ZNF136: variants seen among roughly 807,000 people sequenced by gnomAD.
ZNF136 encodes zinc finger protein 136, also known as zinc finger protein 136 (clone pHZ-20).
A neutral mutation model predicts 11.4 loss-of-function variants in ZNF136; 8 were observed. The observed-to-expected ratio is 0.70, with a 90% CI of 0.41 to 1.27. ZNF136 has a LOEUF of 1.27. ZNF136 is among the 50% of genes most tolerant of loss of function. The probability of loss-of-function intolerance (pLI) is 0.01; values close to 1 mark genes in which losing one functional copy is unlikely to be tolerated. For missense variants in ZNF136, 590 were observed against 656.5 expected (o/e 0.90, Z 1.11); for synonymous variants, 190 against 207.1 (o/e 0.92, Z 0.71).
chr19:12,181,030 C>T (rs545741872), intron 1 of ZNF136, among the ~76,000 whole-genome samples: 5 of 152,322 alleles, frequency 3.3e-5, no homozygotes, highest in Admixed American at 2.6e-4. Context: ...CCTGTCTGCC[C>T]CCAACCTCAC....
intron 1 of ZNF136, among the ~76,000 whole-genome samples, chr19:12,170,891 A>G (rs1185978233): frequency 6.0e-5 from 9 of 151,060 alleles, no homozygotes; most frequent in Non-Finnish European, 1.2e-4. Context: ...TCTGGAGTGC[A>G]ATGGCAAAAT....
intron 1 of ZNF136, among the ~76,000 whole-genome samples, chr19:12,181,657 C>T (rs912117119): frequency 6.6e-6 from 1 of 151,186 alleles, no homozygotes; most frequent in East Asian, 1.9e-4. Context: ...TGGGGGGGGA[C>T]AGAGCCTCAC....
At chr19:12,166,423 T>C (rs921674867) in intron 1 of ZNF136, among the ~76,000 whole-genome samples, 4 of 152,086 alleles carry the variant, frequency 2.6e-5, no homozygotes, top group African/African-American at 9.7e-5. Context: ...GAGAACCAAC[T>C]CTCCTATTAT....
chr19:12,167,927 C>T (rs1303553298), intron 1 of ZNF136, among the ~76,000 whole-genome samples: 1 of 152,074 alleles, frequency 6.6e-6, no homozygotes, highest in African/African-American at 2.4e-5. Context: ...GCCTTGTTAA[C>T]CACTCAGTTC....
intron 2 of ZNF136, 30 bp downstream of exon 2, chr19:12,185,941 A>G (rs1304643587): frequency 6.2e-7 from 1 of 1,610,628 alleles, no homozygotes; most frequent in Non-Finnish European, 8.5e-7. Flanking sequence ...ATCACTTAGC[A>G]ATTAAAGAAG....
chr19:12,168,285 G>A (rs982151521), intron 1 of ZNF136, among the ~76,000 whole-genome samples: 13 of 151,610 alleles, frequency 8.6e-5, no homozygotes, highest in African/African-American at 2.4e-4. Context: ...TATTAGCCAG[G>A]CTGGTCTCCA....
At chr19:12,165,319 C>T (rs993041262) in intron 1 of ZNF136, among the ~76,000 whole-genome samples, 1 of 152,162 alleles carries the variant, frequency 6.6e-6, no homozygotes, top group Non-Finnish European at 1.5e-5. Context: ...ACACTGGAGT[C>T]AGACGAATGT....
chr19:12,170,205 G>A (rs1363389660), intron 1 of ZNF136, among the ~76,000 whole-genome samples: 5 of 152,088 alleles, frequency 3.3e-5, no homozygotes, highest in Non-Finnish European at 7.4e-5. Context: ...TGGGATTACA[G>A]GCGTGAGCCA....
chr19:12,171,266 A>G (rs548636404), intron 1 of ZNF136, among the ~76,000 whole-genome samples: 17 of 152,286 alleles, frequency 1.1e-4, no homozygotes, highest in African/African-American at 3.8e-4. Flanking sequence ...GGTGTGTGCC[A>G]CCGCACCTGG....
intron 1 of ZNF136, among the ~76,000 whole-genome samples, chr19:12,178,679 G>A (rs1249892275): frequency 2.5e-4 from 38 of 152,126 alleles, no homozygotes; most frequent in Non-Finnish European, 1.5e-4. Context: ...TTATAATTTT[G>A]TGGCGTTATT....
At chr19:12,180,549 CG>C (rs974496390) in intron 1 of ZNF136, among the ~76,000 whole-genome samples, 1 of 151,924 alleles carries the variant, frequency 6.6e-6, no homozygotes, top group Admixed American at 6.6e-5. Context: ...TGAGATAATA[CG>C]GAAGCTGAGG....
In ZNF136 at chr19:12,186,979, T is replaced by C; in HGVS notation, c.601T>C (p.Cys201Arg). 6.2e-7 allele frequency: 1 copy of C among 1,614,126 alleles called. No individual in the cohort carries two copies. The highest frequency in any genetic ancestry group is 8.5e-7 in the Non-Finnish European group (1 of 1,180,010). The change falls in exon 4 of 4, where the codon TGT becomes CGT. Residue 201 changes from cysteine (C) to arginine (R), a missense_variant. By Grantham distance (180) the Cys-to-Arg change is radical. Transcript: ENST00000343979. ...SGYTPYKCKV[C>R]GKAFDYPSRF... ...ATATACACCATATAAATGTAAGGTG[T>C]GTGGGAAAGCTTTTGATTATCCCAG...
Position 12,185,846 on chromosome 19 carries a change from A to T in ZNF136, c.65A>T (p.Asp22Val), listed in dbSNP as rs776078527. ...NFTQEEWALL[D>V]PSQKNLYRDV... ...ACCCAGGAGGAGTGGGCTTTGCTAG[A>T]TCCTTCCCAGAAGAATCTCTACAGA... The change falls in exon 2 of 4, where the codon GAT becomes GTT. Residue 22 changes from aspartate to valine, a missense_variant. By Grantham distance (152) the Asp-to-Val change is radical (BLOSUM62 -3). Transcript: ENST00000343979. The T allele has an allele frequency of 2.5e-6, 4 of 1,613,988 alleles. No homozygotes were observed. Among genetic ancestry groups the T allele is most frequent in the Non-Finnish European group, 3.4e-6 (4 of 1,179,968 alleles).
In ZNF136 at chr19:12,187,237, A is replaced by G; in HGVS notation, c.859A>G (p.Lys287Glu). ...ACCCTTTAAATGTAAGCAATGTGGT[A>G]AAGCCTTCAGTTGTTCCCCAACCTT... The part of the protein sequence containing the change: ...EKPFKCKQCG[K>E]AFSCSPTLRI... The change falls in exon 4 of 4, where the codon AAA becomes GAA. Residue 287 changes from lysine to glutamate, a missense_variant. Transcript: ENST00000343979. 1 of 1,613,994 alleles carries G rather than the reference A, an allele frequency of 6.2e-7. No homozygotes were observed. The highest frequency in any genetic ancestry group is 8.5e-7 in the Non-Finnish European group (1 of 1,179,968).
Position 12,187,294 on chromosome 19 carries a change from A to G in ZNF136, c.916A>G (p.Lys306Glu). The G allele has an allele frequency of 6.2e-7, 1 of 1,614,096 alleles. No homozygotes were observed. The highest frequency in any genetic ancestry group is 8.5e-7 in the Non-Finnish European group (1 of 1,180,014). ...ACATGAAAGAACCCATACTGGAGAG[A>G]AACCTTATGAATGCAAGCAGTGTGG... ...RIHERTHTGEKPYECKQCGKA... is the reference protein window; with the variant it reads ...RIHERTHTGEEPYECKQCGKA... The change falls in exon 4 of 4, where the codon AAA becomes GAA. Residue 306 changes from lysine to glutamate, a missense_variant. Physicochemically the swap from Lys to Glu is moderately conservative, Grantham distance 56. Transcript: ENST00000343979.
At chr19:12,163,879 TCTC>T in intron 1 of ZNF136, 1 of 152,382 alleles carries the variant, frequency 6.6e-6, no homozygotes, top group Non-Finnish European at 1.5e-5. Flanking sequence ...TGTCCTTTTG[TCTC>T]CTCTATGCAC....
Position 12,186,579 on chromosome 19 carries a change from G to GT in ZNF136, c.203dup (p.Leu68PhefsTer8). ...GTCTCATTTTTTACAGAAGTCATAT[G>GT]TTAGAAAGACTCTATCAAACTAAGG... On this transcript the variant is annotated frameshift_variant, in exon 4 of 4. Transcript: ENST00000343979. LOFTEE classifies it low-confidence loss of function (END_TRUNC). 6.2e-7 allele frequency: 1 copy of GT among 1,607,260 alleles called. No individual in the cohort carries two copies. Among genetic ancestry groups the GT allele is most frequent in the Non-Finnish European group, 8.5e-7 (1 of 1,176,310 alleles).
chr19:12,170,306 C>A (rs1914621086), intron 1 of ZNF136, among the ~76,000 whole-genome samples: 1 of 152,148 alleles, frequency 6.6e-6, no homozygotes, highest in Admixed American at 6.5e-5. Context: ...ACTAACCATT[C>A]CACTGCTTGA....
At chr19:12,171,238 C>G (rs1042820597) in intron 1 of ZNF136, among the ~76,000 whole-genome samples, 3 of 152,132 alleles carry the variant, frequency 2.0e-5, no homozygotes, top group Non-Finnish European at 4.4e-5. Flanking sequence ...CTCGGCCTCC[C>G]AAAGTGCTGG....
Sources: allele counts gnomAD v4.1 joint callset (sites outside exome capture counted in the v4.1 genomes callset), GRCh38; gene constraint gnomAD v4.1.1; transcripts MANE v1.5; gene names NCBI Gene and HGNC (gene_info 2026-07-23, HGNC 2026-07-21).